Variants in GBF1 observed in about 807,000 individuals in gnomAD.
The protein encoded by GBF1 is Golgi-specific brefeldin A-resistance guanine nucleotide exchange factor 1.
Under a neutral mutation model 210.5 loss-of-function variants are expected in GBF1, and 114 were observed. The ratio of observed to expected loss-of-function variants is 0.54; its 90% CI spans 0.47 to 0.63. GBF1 has a LOEUF of 0.63. Among genes scored for constraint, GBF1 ranks in the 30% least tolerant of loss-of-function variants. The probability of loss-of-function intolerance (pLI) is 0.00; values close to 1 mark genes in which losing one functional copy is unlikely to be tolerated. For synonymous variants in GBF1, 850 were observed against 889.2 expected (o/e 0.96, Z 0.78); for missense variants, 1,851 against 2,357.7 (o/e 0.79, Z 4.45).
In GBF1 at chr10:102,293,777, T is replaced by TTTTTTTTG. The variant is rs2076667206; in HGVS notation, c.163+33668_163+33669insGTTTTTTT. On this transcript the variant is annotated intron_variant, in intron 3 of 39. Coordinates refer to ENST00000369983, the MANE Select transcript of GBF1 (RefSeq NM_001377137.1). ...CAGCTGTAGTATGTTTTGTGTTTTT[T>TTTTTTTTG]TTTTTTTTTTTTTTTTTTGAGATGG... Among the ~76,000 whole-genome samples the TTTTTTTTG allele has an allele frequency of 6.7e-5, 2 of 29,922 alleles. 1 individual carries two copies. The highest frequency in any genetic ancestry group is 1.1e-4 in the Non-Finnish European group (2 of 17,458). The allele number at this position is 29,922 out of a possible 152,430, so 19.6% of individuals were successfully genotyped here. A position where few individuals can be genotyped will look rare whatever the true frequency, so the allele number is the denominator to read the frequency against.
rs1290276827 is a variant in GBF1, at chr10:102,370,687, A to G, written c.3507-20A>G. ...GGCCCCTCTGGCTGAGACTATCTTC[A>G]TTCCTTTATGTCTACACAGGGATCG... On this transcript the variant is annotated intron_variant, in intron 28 of 39. Coordinates refer to ENST00000369983, the MANE Select transcript of GBF1 (RefSeq NM_001377137.1). 6.2e-7 allele frequency: 1 copy of G among 1,611,934 alleles called. No homozygotes were observed. The highest frequency in any genetic ancestry group is 8.5e-7 in the Non-Finnish European group (1 of 1,178,346).
intron 3 of GBF1, among the ~76,000 whole-genome samples, chr10:102,311,358 G>T (rs1190030980): frequency 6.6e-6 from 1 of 152,180 alleles, no homozygotes; most frequent in Non-Finnish European, 1.5e-5. Flanking sequence ...GTGTGGAGTG[G>T]TTAATTTTCT....
chr10:102,241,302 G>A (rs1417203362), upstream of GBF1: 1 of 152,638 alleles, frequency 6.6e-6, no homozygotes, highest in Non-Finnish European at 1.5e-5. This position sits in a 1 kb window ranked among gnomAD's most constrained non-coding sequence, Gnocchi z 6.7. Flanking sequence ...GGCCCCATGA[G>A]CCCCTGTCCT....
In GBF1 at chr10:102,376,960, C is replaced by T; in HGVS notation, c.4314C>T (p.Gly1438=). 1.9e-6 allele frequency: 3 copies of T among 1,614,124 alleles called. No individual in the cohort carries two copies. The highest frequency in any genetic ancestry group is 2.5e-6 in the Non-Finnish European group (3 of 1,180,002). Residue 1438 remains glycine, a synonymous_variant, in exon 33 of 40, where the codon GGC becomes GGT. Coordinates refer to ENST00000369983, the MANE Select transcript of GBF1 (RefSeq NM_001377137.1). The part of the protein sequence containing the change: ...NGGCKSQEKR[G]KSHKYDSKGN... ...GATGCAAGTCCCAGGAGAAACGTGG[C>T]AAGAGTCACAAATATGACAGCAAAG...
At chr10:102,255,194 C>T (rs1435987173) in intron 1 of GBF1, among the ~76,000 whole-genome samples, 1 of 152,066 alleles carries the variant, frequency 6.6e-6, no homozygotes, top group African/African-American at 2.4e-5. Context: ...GTGTGTGTCA[C>T]CACACCTGGC....
intron 3 of GBF1, among the ~76,000 whole-genome samples, chr10:102,335,247 C>T (rs985193818): frequency 3.3e-5 from 5 of 152,074 alleles, no homozygotes; most frequent in Non-Finnish European, 7.3e-5. Flanking sequence ...CCCCAGATGA[C>T]TGGCTCATCT....
chr10:102,366,431 C>A lies in GBF1; in HGVS notation c.2358C>A (p.Tyr786Ter). The stretch of plus-strand genomic sequence containing the variant: ...GACTGGACGAAGCCCTCCGCCTCTA[C>A]CTGGAAGCCTTCCGTTTGCCTGGGG... ...GLRLDEALRL[Y>*]LEAFRLPGEA... is the part of the protein sequence containing the mutation. Residue 786 changes from tyrosine to a stop codon, truncating the protein, a stop_gained, in exon 19 of 40, where the codon TAC becomes TAA. Transcript: ENST00000369983. LOFTEE classifies it high-confidence loss of function. This position sits in a 1 kb window ranked among gnomAD's most constrained non-coding sequence, Gnocchi z 4.0. 2 of 1,614,012 alleles carry A rather than the reference C, an allele frequency of 1.2e-6. No homozygotes were observed. Among genetic ancestry groups the A allele is most frequent in the Non-Finnish European group, 1.7e-6 (2 of 1,179,868 alleles).
chr10:102,337,002 A>G (rs1054402541), intron 3 of GBF1, among the ~76,000 whole-genome samples: 1 of 152,266 alleles, frequency 6.6e-6, no homozygotes, highest in Non-Finnish European at 1.5e-5. Flanking sequence ...CAGTAGTTAC[A>G]TGTATGTTGA....
In GBF1 at chr10:102,377,118, T is replaced by TGTCTTTACAGGTCA. The variant is rs781544393; in HGVS notation, c.4476_4489dup (p.Gln1497LeufsTer9). The TGTCTTTACAGGTCA allele has an allele frequency of 1.2e-5, 19 of 1,613,702 alleles. No homozygotes were observed. The highest frequency in any genetic ancestry group is 1.4e-5 in the Non-Finnish European group (17 of 1,179,848). The stretch of plus-strand genomic sequence containing the variant: ...GGCGTGCCTGCCAGCTACCATACGG[T>TGTCTTTACAGGTCA]GTCTTTACAGGTCAGTCAGGACGTA... On this transcript the variant is annotated frameshift_variant, in exon 33 of 40. Transcript: ENST00000369983. LOFTEE classifies it high-confidence loss of function.
chr10:102,367,889 G>C (rs1346525238), intron 21 of GBF1, among the ~76,000 whole-genome samples: 1 of 152,244 alleles, frequency 6.6e-6, no homozygotes, highest in Non-Finnish European at 1.5e-5. Context: ...GCACTGGAGT[G>C]TGAGGCCCAG....
intron 3 of GBF1, among the ~76,000 whole-genome samples, chr10:102,292,125 G>A (rs1027718174): frequency 5.9e-5 from 9 of 151,862 alleles, no homozygotes; most frequent in East Asian, 1.9e-4. Flanking sequence ...TCTTGACCTC[G>A]TGATCTGCCC....
At chr10:102,231,150 G>T in the GBF1 span, 1 of 1,460,676 alleles carries the variant, frequency 6.8e-7, no homozygotes, top group African/African-American at 1.5e-5. Context: ...GGGTCCCAGC[G>T]GCTGAAGGGC....
At chr10:102,245,051 G>A (rs1252688419), upstream of GBF1, among the ~76,000 whole-genome samples, 1 of 152,194 alleles carries the variant, frequency 6.6e-6, no homozygotes, top group East Asian at 1.9e-4. Context: ...TTTTTAGAAT[G>A]AAGGGAGCCC....
At chr10:102,320,174 A>G (rs2134144267) in intron 3 of GBF1, among the ~76,000 whole-genome samples, 1 of 152,216 alleles carries the variant, frequency 6.6e-6, no homozygotes, top group African/African-American at 2.4e-5. Context: ...TACTGACACT[A>G]ATTGAAGGTT....
intron 4 of GBF1, among the ~76,000 whole-genome samples, chr10:102,346,592 T>C (rs2058589144): frequency 6.6e-6 from 1 of 152,188 alleles, no homozygotes; most frequent in South Asian, 2.1e-4. Context: ...CACTGCAGCC[T>C]TGACCTTCGG....
At chr10:102,312,633 T>A (rs907804647) in intron 3 of GBF1, among the ~76,000 whole-genome samples, 3 of 152,198 alleles carry the variant, frequency 2.0e-5, no homozygotes, top group African/African-American at 4.8e-5. Flanking sequence ...AGTTAAAAGA[T>A]CTTAGTTGGA....
chr10:102,234,407 G>A, the GBF1 span, among the ~76,000 whole-genome samples: 1 of 152,172 alleles, frequency 6.6e-6, no homozygotes, highest in Non-Finnish European at 1.5e-5. Flanking sequence ...GGGCTGGAGG[G>A]AACCCAGGAC....
At chr10:102,343,228 CAG>C (rs1216309446) in intron 3 of GBF1, among the ~76,000 whole-genome samples, 1 of 152,134 alleles carries the variant, frequency 6.6e-6, no homozygotes, top group African/African-American at 2.4e-5. Context: ...TTATAAACCT[CAG>C]AGTTTCCTCT....
At chr10:102,302,558 A>C (rs1037484686) in intron 3 of GBF1, among the ~76,000 whole-genome samples, 2 of 152,214 alleles carry the variant, frequency 1.3e-5, no homozygotes, top group African/African-American at 2.4e-5. Flanking sequence ...TTATCCTAAA[A>C]TTATGGATTT....
Sources: gnomAD v4.1 joint callset for allele counts (sites outside exome capture counted in the v4.1 genomes callset) on GRCh38, gnomAD v4.1.1 for gene constraint, Gnocchi (gnomAD v3.1) non-coding constraint, MANE v1.5 for transcripts, NCBI Gene and HGNC (gene_info 2026-07-23, HGNC 2026-07-21) for gene names.